IQSEC1: variants seen among roughly 807,000 people sequenced by gnomAD.
IQSEC1 encodes the protein IQ motif and Sec7 domain ArfGEF 1, also known as IQ motif and SEC7 domain-containing protein 1.
IQSEC1 carries 31 observed loss-of-function variants against 91.0 expected under a neutral mutation model. The observed-to-expected ratio is 0.34, with a 90% CI of 0.26 to 0.46. The LOEUF (loss-of-function observed/expected upper bound fraction) is 0.46, where lower values mean the gene tolerates loss of function less well. IQSEC1 is among the 20% of genes least tolerant of loss of function. The pLI, the probability that IQSEC1 is intolerant of heterozygous loss-of-function variation, is 1.00. For synonymous variants in IQSEC1, 699 were observed against 662.6 expected (o/e 1.05, Z -0.84); for missense variants, 1,388 against 1,575.6 (o/e 0.88, Z 2.02).
intron 1 of IQSEC1, among the ~76,000 whole-genome samples, chr3:13,253,133 A>G (rs1353477087): frequency 6.6e-6 from 1 of 152,248 alleles, no homozygotes; most frequent in Non-Finnish European, 1.5e-5. Context: ...CAGCAGGACA[A>G]GAAAGTCTTT....
At chr3:12,989,623 T>G (rs898778697) in intron 1 of IQSEC1, among the ~76,000 whole-genome samples, 5 of 152,160 alleles carry the variant, frequency 3.3e-5, no homozygotes, top group African/African-American at 1.2e-4. Context: ...ACCCCATCCA[T>G]GACTCTGAAG....
intron 2 of IQSEC1, among the ~76,000 whole-genome samples, chr3:13,138,842 G>A (rs1409585141): frequency 1.3e-5 from 2 of 151,806 alleles, no homozygotes; most frequent in African/African-American, 4.8e-5. Flanking sequence ...TCCCAGCTGG[G>A]AAGAACCTTC....
intron 1 of IQSEC1, among the ~76,000 whole-genome samples, chr3:13,065,512 G>C (rs1266378230): frequency 1.3e-5 from 2 of 152,136 alleles, no homozygotes; most frequent in African/African-American, 4.8e-5. Context: ...TATTCAAGAG[G>C]GGGAAATTTA....
chr3:13,032,346 C>T (rs911829404), intron 1 of IQSEC1, among the ~76,000 whole-genome samples: 8 of 152,222 alleles, frequency 5.3e-5, no homozygotes, highest in Admixed American at 2.6e-4. Context: ...GAGCCTTTCA[C>T]ACACACCCCG....
intron 3 of IQSEC1, among the ~76,000 whole-genome samples, chr3:12,932,258 C>T (rs1697745754): frequency 1.3e-5 from 2 of 152,194 alleles, no homozygotes; most frequent in African/African-American, 2.4e-5. Context: ...GGCTGCATGG[C>T]GTCCCACAGA....
At chr3:13,142,183 T>C (rs894165478) in intron 2 of IQSEC1, among the ~76,000 whole-genome samples, 1 of 152,256 alleles carries the variant, frequency 6.6e-6, no homozygotes, top group African/African-American at 2.4e-5. Flanking sequence ...AAACGCATTC[T>C]AAGACCATGC....
At chr3:13,127,507 T>C (rs1344926087) in intron 2 of IQSEC1, among the ~76,000 whole-genome samples, 2 of 152,230 alleles carry the variant, frequency 1.3e-5, no homozygotes, top group Non-Finnish European at 2.9e-5. Context: ...GCCAATATCA[T>C]ACTGTCTTGA....
At chr3:13,073,554 C>CGCTA (rs1288376239), upstream of IQSEC1, among the ~76,000 whole-genome samples, 1 of 151,630 alleles carries the variant, frequency 6.6e-6, no homozygotes, top group African/African-American at 2.4e-5. Context: ...CAGGCGCGGC[C>CGCTA]GCTCGGCTGC....
At chr3:12,977,356 A>G (rs956625852) in intron 1 of IQSEC1, among the ~76,000 whole-genome samples, 3 of 151,954 alleles carry the variant, frequency 2.0e-5, no homozygotes, top group African/African-American at 7.3e-5. Context: ...TCCAGGGAAA[A>G]AAAAAAAAAG....
intron 1 of IQSEC1, among the ~76,000 whole-genome samples, chr3:13,048,059 G>A (rs370842245): frequency 3.9e-5 from 6 of 152,240 alleles, no homozygotes; most frequent in South Asian, 2.1e-4. Flanking sequence ...GACCAAGTTC[G>A]GTCTGTGCTA....
chr3:13,171,339 C>T (rs1399208332), intron 1 of IQSEC1, among the ~76,000 whole-genome samples: 1 of 152,196 alleles, frequency 6.6e-6, no homozygotes, highest in Non-Finnish European at 1.5e-5. Context: ...AATTGACTCA[C>T]CTCCAGAGGC....
chr3:13,177,861 C>T (rs1693768777), intron 1 of IQSEC1, among the ~76,000 whole-genome samples: 6 of 152,246 alleles, frequency 3.9e-5, no homozygotes, highest in Admixed American at 2.0e-4. Flanking sequence ...CCTGCAGGGG[C>T]TACACAGCCA....
At chr3:13,283,089 C>G (rs1463148266) in exon 1 of IQSEC1, among the ~76,000 whole-genome samples, 1 of 143,888 alleles carries the variant, frequency 6.9e-6, no homozygotes, top group Non-Finnish European at 1.5e-5. Context: ...CGGCGCGGGG[C>G]TGCCGCGGCC....
At chr3:13,243,077 A>G (rs1559284838) in intron 1 of IQSEC1, among the ~76,000 whole-genome samples, 4 of 152,154 alleles carry the variant, frequency 2.6e-5, no homozygotes, top group Non-Finnish European at 1.5e-5. Flanking sequence ...ACAAGCTAGG[A>G]GCCAGTCTCA....
chr3:13,265,916 CAAA>C (rs34132019), intron 1 of IQSEC1, among the ~76,000 whole-genome samples: 11 of 110,780 alleles, frequency 9.9e-5, no homozygotes, highest in African/African-American at 1.4e-4. Flanking sequence ...TGCTTTATTG[CAAA>C]AAAAAAAAAA....
chr3:13,159,780 C>T (rs922376899), intron 2 of IQSEC1, among the ~76,000 whole-genome samples: 8 of 152,168 alleles, frequency 5.3e-5, no homozygotes, highest in East Asian at 1.9e-4. Flanking sequence ...AAGGATTTGA[C>T]GGAGTGCTGG....
At chr3:13,091,181 C>A (rs1274469092) in intron 2 of IQSEC1, among the ~76,000 whole-genome samples, 1 of 152,196 alleles carries the variant, frequency 6.6e-6, no homozygotes, top group African/African-American at 2.4e-5. Context: ...CCTGCACTCC[C>A]TACGCCATCG....
chr3:13,192,960 T>C (rs1694062803), intron 1 of IQSEC1, among the ~76,000 whole-genome samples: 1 of 152,240 alleles, frequency 6.6e-6, no homozygotes, highest in African/African-American at 2.4e-5. Context: ...GGCCTCACGC[T>C]GGCATCCAGG....
chr3:13,045,656 G>C (rs981856978), intron 1 of IQSEC1, among the ~76,000 whole-genome samples: 2 of 152,240 alleles, frequency 1.3e-5, no homozygotes, highest in African/African-American at 4.8e-5. Flanking sequence ...CTGCATACCA[G>C]AACTTTCCTG....
Sources: gnomAD v4.1 joint callset for allele counts (sites outside exome capture counted in the v4.1 genomes callset) on GRCh38, gnomAD v4.1.1 for gene constraint, MANE v1.5 for transcripts, NCBI Gene and HGNC (gene_info 2026-07-23, HGNC 2026-07-21) for gene names.